PSEN1: variants seen among roughly 807,000 people sequenced by gnomAD.
PSEN1 encodes presenilin 1, also known as presenilin-1.
In PSEN1, 15 loss-of-function variants were observed where a neutral mutation model predicts 53.5. The observed-to-expected ratio is 0.28, with a 90% CI of 0.19 to 0.43. The LOEUF (loss-of-function observed/expected upper bound fraction) is 0.43, where lower values mean the gene tolerates loss of function less well. PSEN1 is among the 20% of genes least tolerant of loss of function. The probability of loss-of-function intolerance (pLI) is 1.00; values close to 1 mark genes in which losing one functional copy is unlikely to be tolerated. For synonymous variants in PSEN1, 208 were observed against 209.8 expected (o/e 0.99, Z 0.08); for missense variants, 387 against 571.2 (o/e 0.68, Z 3.29).
chr14:73,170,669 C>G (rs372523987), intron 3 of PSEN1, 128 bp from the exon 4 acceptor site: 20 of 967,022 alleles, frequency 2.1e-5, no homozygotes, highest in African/African-American at 1.6e-4. Context: ...ACTTCCTGTA[C>G]ATTGTTTTTT....
At chr14:73,163,617 AAAACCAG>A (rs1897622229) in intron 3 of PSEN1, among the ~76,000 whole-genome samples, 5 of 152,236 alleles carry the variant, frequency 3.3e-5, no homozygotes, top group Non-Finnish European at 5.9e-5. Flanking sequence ...TCAGAGAATT[AAAACCAG>A]ATCAACGTAG....
intron 3 of PSEN1, among the ~76,000 whole-genome samples, chr14:73,153,016 C>G (rs1386046424): frequency 6.6e-6 from 1 of 152,178 alleles, no homozygotes; most frequent in Non-Finnish European, 1.5e-5. Context: ...CACCATTGTA[C>G]TCCAGCCTAG....
intron 5 of PSEN1, among the ~76,000 whole-genome samples, chr14:73,174,690 A>C (rs1897994295): frequency 1.3e-5 from 2 of 152,226 alleles, no homozygotes; most frequent in African/African-American, 4.8e-5. Context: ...GTACAGAACA[A>C]TAAAGCCATC....
chr14:73,217,039 G>A, intron 10 of PSEN1, 87 bp from the exon 11 acceptor site: 1 of 1,351,632 alleles, frequency 7.4e-7, no homozygotes, highest in Non-Finnish European at 1.1e-6. Context: ...TTCATTGTGG[G>A]GTTGAGTAGG....
chr14:73,181,201 A>G (rs567742195), intron 5 of PSEN1, among the ~76,000 whole-genome samples: 1 of 152,288 alleles, frequency 6.6e-6, no homozygotes, highest in African/African-American at 2.4e-5. Flanking sequence ...GCACTTTAGG[A>G]GGCTGAGGTG....
chr14:73,136,481 A>C (rs1387280392), upstream of PSEN1: 1 of 152,906 alleles, frequency 6.5e-6, no homozygotes, highest in Admixed American at 6.5e-5. Context: ...TGGGACAGGC[A>C]GCTCCGGGGT....
intron 3 of PSEN1, among the ~76,000 whole-genome samples, chr14:73,157,105 C>T (rs2139999773): frequency 6.6e-6 from 1 of 151,956 alleles, no homozygotes; most frequent in South Asian, 2.1e-4. Context: ...AAAGCACCTA[C>T]ACACTCCCTT....
intron 3 of PSEN1, among the ~76,000 whole-genome samples, chr14:73,156,750 C>T (rs1031040984): frequency 8.6e-5 from 13 of 151,814 alleles, no homozygotes; most frequent in African/African-American, 3.1e-4. Context: ...GCAAGCTCCG[C>T]CTCCCAGGTT....
At chr14:73,204,819 T>C (rs1899384811) in intron 8 of PSEN1, among the ~76,000 whole-genome samples, 1 of 151,000 alleles carries the variant, frequency 6.6e-6, no homozygotes, top group Non-Finnish European at 1.5e-5. Context: ...GGAGGATTGC[T>C]TGAGCCCAGG....
chr14:73,218,230 G>A (rs1309203356), intron 11 of PSEN1, among the ~76,000 whole-genome samples: 1 of 151,058 alleles, frequency 6.6e-6, no homozygotes, highest in African/African-American at 2.4e-5. Flanking sequence ...GGAATTACAT[G>A]TGTGCACCAC....
intron 7 of PSEN1, among the ~76,000 whole-genome samples, chr14:73,194,513 G>A (rs2140097376): frequency 6.7e-6 from 1 of 150,260 alleles, no homozygotes; most frequent in African/African-American, 2.4e-5. Context: ...CTCCCACCTT[G>A]GCCTGCCAAA....
At chr14:73,219,057 A>G (rs1388524751) in intron 11 of PSEN1, 77 bp from the exon 12 acceptor site, 1 of 1,484,970 alleles carries the variant, frequency 6.7e-7, no homozygotes, top group Non-Finnish European at 9.4e-7. Context: ...TTAAAAACCA[A>G]GACTTGTGAT....
chr14:73,180,250 G>T (rs1898170417), intron 5 of PSEN1, among the ~76,000 whole-genome samples: 1 of 152,174 alleles, frequency 6.6e-6, no homozygotes, highest in Non-Finnish European at 1.5e-5. Flanking sequence ...CTCCCAAAGT[G>T]CTGGGACTAC....
chr14:73,139,040 T>G lies in PSEN1; in HGVS notation c.-136+2457T>G, dbSNP rs1896836923. On this transcript the variant is annotated intron_variant, in intron 1 of 11. Transcript: ENST00000324501. ...GGCTCACGCCTGTAAACCCAGCACT[T>G]TGGGAGGCCGAGGCGGGTGGATAAC... 1.3e-5 allele frequency among the ~76,000 whole-genome samples: 2 copies of G among 151,560 alleles called. 1 individual carries two copies. The highest frequency in any genetic ancestry group is 4.2e-4 in the South Asian group (2 of 4,814).
intron 1 of PSEN1, among the ~76,000 whole-genome samples, chr14:73,143,424 A>G (rs1896980997): frequency 6.6e-6 from 1 of 151,910 alleles, no homozygotes; most frequent in Non-Finnish European, 1.5e-5. Flanking sequence ...CATTGTTTAC[A>G]CTCTCTCTGT....
intron 3 of PSEN1, among the ~76,000 whole-genome samples, chr14:73,152,847 A>G (rs1446176336): frequency 1.3e-5 from 2 of 152,216 alleles, no homozygotes; most frequent in African/African-American, 4.8e-5. Context: ...GTTCCAGACC[A>G]GCCTGGCCAT....
intron 3 of PSEN1, among the ~76,000 whole-genome samples, chr14:73,155,182 C>A (rs1053274012): frequency 5.3e-5 from 8 of 151,954 alleles, no homozygotes; most frequent in African/African-American, 1.9e-4. Context: ...TATGGTTTAC[C>A]CAGTTAGTAG....
At chr14:73,166,182 G>A (rs890926500) in intron 3 of PSEN1, among the ~76,000 whole-genome samples, 1 of 152,142 alleles carries the variant, frequency 6.6e-6, no homozygotes, top group African/African-American at 2.4e-5. Context: ...TATCAGCCTT[G>A]GGCAGGGCAG....
At position 73,203,653 on chromosome 14, in the gene PSEN1, G is replaced by A. The variant is rs530918030; in HGVS notation, c.869-2733G>A. Among the ~76,000 whole-genome samples, 3 of 152,266 alleles carry A rather than the reference G, an allele frequency of 2.0e-5. No individual in the cohort carries two copies. In the South Asian group the frequency reaches 6.2e-4, roughly 32 times the overall value. On this transcript the variant is annotated intron_variant, in intron 8 of 11. Transcript: ENST00000324501. ...ATGCTCTTACTGACAGGAAATGTAT[G>A]AGCATTTTTGTTTTTTACTTCTGTC...
Sources: gnomAD v4.1 joint callset for allele counts (sites outside exome capture counted in the v4.1 genomes callset) on GRCh38, gnomAD v4.1.1 for gene constraint, MANE v1.5 for transcripts, NCBI Gene and HGNC (gene_info 2026-07-23, HGNC 2026-07-21) for gene names.